MACROD2: variants seen among roughly 807,000 people sequenced by gnomAD.
MACROD2 encodes ADP-ribose glycohydrolase MACROD2.
A neutral mutation model predicts 70.4 loss-of-function variants in MACROD2; 36 were observed. The ratio of observed to expected loss-of-function variants is 0.51; its 90% CI spans 0.39 to 0.68. The LOEUF (loss-of-function observed/expected upper bound fraction) is 0.68, where lower values mean the gene tolerates loss of function less well. MACROD2 is among the 30% of genes least tolerant of loss of function. The probability of loss-of-function intolerance (pLI) is 0.00; values close to 1 mark genes in which losing one functional copy is unlikely to be tolerated. For missense variants in MACROD2, 496 were observed against 538.4 expected (o/e 0.92, Z 0.78); for synonymous variants, 172 against 178.8 (o/e 0.96, Z 0.30).
At chr20:15,012,121 A>G (rs2075087344) in intron 5 of MACROD2, among the ~76,000 whole-genome samples, 1 of 152,224 alleles carries the variant, frequency 6.6e-6, no homozygotes, top group African/African-American at 2.4e-5. Context: ...AAAGGGTCAC[A>G]AAAACCTGAC....
intron 9 of MACROD2, among the ~76,000 whole-genome samples, chr20:15,877,428 G>T (rs735343): frequency 0.55 from 83,400 of 151,760 alleles, 26,459 homozygotes; most frequent in Non-Finnish European, 0.72. Flanking sequence ...TTTGGCCAAG[G>T]ATCAGTTGAA....
chr20:15,901,023 C>G (rs897948605), intron 10 of MACROD2, among the ~76,000 whole-genome samples: 4 of 152,166 alleles, frequency 2.6e-5, no homozygotes, highest in Non-Finnish European at 5.9e-5. Flanking sequence ...CAAAGACTCC[C>G]CTACCTTGCT....
rs547413157 is a variant in MACROD2 at position 15,346,420 on chromosome 20, G to A, written c.541-84985G>A. ...CTAGAACTGAGGGATCAGGAAAGAG[G>A]AAGATTTCCAGATAAAGGAACTTAT... On this transcript the variant is annotated intron_variant, in intron 6 of 17. Transcript: ENST00000684519. Among the ~76,000 whole-genome samples the A allele has an allele frequency of 1.4e-4, 21 of 152,302 alleles. 1 individual carries two copies. Among genetic ancestry groups the A allele is most frequent in the African/African-American group, 5.1e-4 (21 of 41,578 alleles).
chr20:14,078,028 G>A (rs921834640), intron 2 of MACROD2, among the ~76,000 whole-genome samples: 5 of 151,046 alleles, frequency 3.3e-5, no homozygotes, highest in African/African-American at 1.2e-4. Flanking sequence ...TCAGCCTCCC[G>A]AGTAGCTGGG....
intron 5 of MACROD2, among the ~76,000 whole-genome samples, chr20:15,021,027 T>C (rs766630287): frequency 1.4e-5 from 2 of 146,346 alleles, no homozygotes; most frequent in African/African-American, 2.5e-5. Context: ...TGTATACACA[T>C]GTGCATATAC....
intron 3 of MACROD2, among the ~76,000 whole-genome samples, chr20:14,229,262 A>G (rs2081777076): frequency 6.6e-6 from 1 of 152,250 alleles, no homozygotes; most frequent in South Asian, 2.1e-4. Context: ...TTTGTGAAAG[A>G]CACTGTTAAG....
At chr20:14,791,106 A>G (rs1221717509) in intron 5 of MACROD2, among the ~76,000 whole-genome samples, 2 of 152,104 alleles carry the variant, frequency 1.3e-5, no homozygotes, top group African/African-American at 4.8e-5. Context: ...ACGTGGCTAT[A>G]TGCAATATCT....
intron 5 of MACROD2, among the ~76,000 whole-genome samples, chr20:15,210,552 G>GTTTTTTTTTTTTTTTTTTTGTT (rs11333280): frequency 8.2e-6 from 1 of 121,648 alleles, no homozygotes; most frequent in African/African-American, 3.2e-5. Flanking sequence ...CTTTTCTTCT[G>GTTTTTTTTTTTTTTTTTTTGTT]TTTTTTTTTT....
intron 5 of MACROD2, among the ~76,000 whole-genome samples, chr20:14,951,133 C>T (rs76350695): frequency 0.23 from 34,394 of 151,734 alleles, 4,006 homozygotes; most frequent in South Asian, 0.37. Flanking sequence ...GGGTTAGAGC[C>T]ATGGTTTACT....
At chr20:15,118,688 G>C (rs1394422276) in intron 5 of MACROD2, among the ~76,000 whole-genome samples, 1 of 152,186 alleles carries the variant, frequency 6.6e-6, no homozygotes, top group African/African-American at 2.4e-5. Context: ...ACTGTATGAA[G>C]GGTTTAGGTT....
At chr20:15,162,794 A>G (rs1390917793) in intron 5 of MACROD2, among the ~76,000 whole-genome samples, 1 of 152,148 alleles carries the variant, frequency 6.6e-6, no homozygotes, top group African/African-American at 2.4e-5. Context: ...TTTATAATCA[A>G]CAAGTTCTTC....
chr20:15,658,567 G>T (rs2049768666), intron 8 of MACROD2, among the ~76,000 whole-genome samples: 1 of 152,180 alleles, frequency 6.6e-6, no homozygotes, highest in South Asian at 2.1e-4. Flanking sequence ...ATGAGGAATT[G>T]CATGGATGAC....
chr20:15,121,764 G>A (rs943572231), intron 5 of MACROD2, among the ~76,000 whole-genome samples: 1 of 152,114 alleles, frequency 6.6e-6, no homozygotes, highest in African/African-American at 2.4e-5. Context: ...AAGCCAGGAG[G>A]AGTTGAACAT....
At chr20:16,041,518 T>C (rs888920993) in intron 16 of MACROD2, among the ~76,000 whole-genome samples, 2 of 152,002 alleles carry the variant, frequency 1.3e-5, no homozygotes, top group Non-Finnish European at 2.9e-5. Flanking sequence ...TATCTTATAA[T>C]ACTGAGGACT....
chr20:14,291,771 G>C (rs2082388271), intron 3 of MACROD2, among the ~76,000 whole-genome samples: 1 of 151,886 alleles, frequency 6.6e-6, no homozygotes. Context: ...TTAATACCCT[G>C]AATAAAGCTT....
intron 4 of MACROD2, among the ~76,000 whole-genome samples, chr20:14,568,191 AAG>A (rs1472009081): frequency 6.6e-6 from 1 of 152,100 alleles, no homozygotes; most frequent in Non-Finnish European, 1.5e-5. Flanking sequence ...AGTGGAATCA[AAG>A]AGTATTTTGA....
At chr20:14,880,767 C>T (rs1223655396) in intron 5 of MACROD2, among the ~76,000 whole-genome samples, 1 of 152,170 alleles carries the variant, frequency 6.6e-6, no homozygotes, top group Non-Finnish European at 1.5e-5. Context: ...CTGGTGGAAC[C>T]GTCTAACTTA....
At chr20:14,048,953 A>T (rs1184112493) in intron 2 of MACROD2, among the ~76,000 whole-genome samples, 1 of 152,160 alleles carries the variant, frequency 6.6e-6, no homozygotes, top group Non-Finnish European at 1.5e-5. Context: ...GTGGGAGTGG[A>T]GCAAGGAGGG....
intron 8 of MACROD2, among the ~76,000 whole-genome samples, chr20:15,830,156 T>C (rs910587796): frequency 3.9e-5 from 6 of 152,118 alleles, no homozygotes; most frequent in African/African-American, 9.7e-5. Context: ...GTGGACAACA[T>C]AGGTGGAGAT....
Sources: gnomAD v4.1 joint callset for allele counts (sites outside exome capture counted in the v4.1 genomes callset) on GRCh38, gnomAD v4.1.1 for gene constraint, MANE v1.5 for transcripts, NCBI Gene and HGNC (gene_info 2026-07-23, HGNC 2026-07-21) for gene names.